CEP131: variants seen among roughly 807,000 people sequenced by gnomAD.
CEP131 encodes the protein centrosomal protein 131.
Under a neutral mutation model 136.8 loss-of-function variants are expected in CEP131, and 99 were observed. The ratio of observed to expected loss-of-function variants is 0.72; its 90% CI spans 0.62 to 0.86. The LOEUF (loss-of-function observed/expected upper bound fraction) is 0.86. CEP131 is among the 40% of genes least tolerant of loss of function. The probability of loss-of-function intolerance (pLI) is 0.00; values close to 1 mark genes in which losing one functional copy is unlikely to be tolerated. For missense variants in CEP131, 1,459 were observed against 1,463.0 expected (o/e 1.00, Z 0.04); for synonymous variants, 646 against 612.7 (o/e 1.05, Z -0.80).
At chr17:81,207,765 G>A (rs1339224709) in intron 3 of CEP131, among the ~76,000 whole-genome samples, 1 of 151,646 alleles carries the variant, frequency 6.6e-6, no homozygotes, top group African/African-American at 2.4e-5. Flanking sequence ...TGGAAGGCAT[G>A]GGCTGGTGGC....
In CEP131 at chr17:81,192,486, C is replaced by G. The variant is rs188391875; in HGVS notation, c.2537G>C (p.Arg846Pro). ...EFEKGREEQE[R>P]RHQMELNTLK... Reference sequence around the variant, plus strand: ...CCTCCGGTGGTAGACCTGGTGCCGGCGCTCCTGCTCCTCCCTGCCCTTCTC... The same window carrying G: ...CCTCCGGTGGTAGACCTGGTGCCGGGGCTCCTGCTCCTCCCTGCCCTTCTC... Residue 846 changes from arginine (R) to proline (P), a missense_variant, in exon 20 of 26, where the codon CGC becomes CCC. By Grantham distance (103) the Arg-to-Pro change is moderately radical. This residue lies in a region of CEP131 where 1,026 missense variants were observed against 964.2 expected (regional missense o/e 1.06). Coordinates refer to ENST00000450824, the MANE Select transcript of CEP131 (RefSeq NM_014984.4). 5.6e-6 allele frequency: 9 copies of G among 1,611,610 alleles called. No individual in the cohort carries two copies. Among genetic ancestry groups the G allele is most frequent in the East Asian group, 2.2e-5 (1 of 44,870 alleles).
chr17:81,205,362 G>GGTAGGAGGGGCGGCAAGAGTGTGA (rs1487469040), intron 5 of CEP131, among the ~76,000 whole-genome samples: 1 of 145,268 alleles, frequency 6.9e-6, no homozygotes, highest in East Asian at 2.0e-4. Context: ...CAAGAGTGTG[G>GGTAGGAGGGGCGGCAAGAGTGTGA]GTAGGAGGGG....
Position 81,215,280 on chromosome 17 carries a change from G to A in CEP131, c.177+4600C>T, listed in dbSNP as rs1318812875. Among the ~76,000 whole-genome samples the A allele has an allele frequency of 6.6e-6, 1 of 151,322 alleles. No homozygotes were observed. Among genetic ancestry groups the A allele is most frequent in the Non-Finnish European group, 1.5e-5 (1 of 67,882 alleles). On this transcript the variant is annotated intron_variant, in intron 2 of 25. Transcript: ENST00000450824. This position sits in a 1 kb window ranked among gnomAD's most constrained non-coding sequence, Gnocchi z 4.1. ...CGGCTAATTTTTTAATTTTTTTGTA[G>A]AGACAGGGGTCTCACTATGTTGCCC...
rs2061910872 is a variant in CEP131 at position 81,202,319 on chromosome 17, T to A, written c.709A>T (p.Thr237Ser). Residue 237 changes from threonine (T) to serine (S), a missense_variant, in exon 7 of 26, where the codon ACC becomes TCC. Thr to Ser is a moderately conservative substitution (Grantham distance 58). This residue lies in a region of CEP131 where 246 missense variants were observed against 318.9 expected (regional missense o/e 0.77). Transcript: ENST00000450824. ...CCAGTATTGTTCCGGGCTGAGTGGGTGGCACTGGAGACATTCTTCGGCAGC... is the reference window on the plus strand; with the variant it reads ...CCAGTATTGTTCCGGGCTGAGTGGGAGGCACTGGAGACATTCTTCGGCAGC... ...GKLPKNVSSA[T>S]HSARNNTGGS... The A allele has an allele frequency of 6.2e-7, 1 of 1,613,634 alleles. No homozygotes were observed. The highest frequency in any genetic ancestry group is 8.5e-7 in the Non-Finnish European group (1 of 1,179,900).
chr17:81,202,435 C>G, intron 6 of CEP131, 37 bp from the exon 7 acceptor site: 1 of 1,599,682 alleles, frequency 6.3e-7, no homozygotes, highest in East Asian at 2.2e-5. Context: ...GTCTCACCGC[C>G]CAGGGGAACA....
Position 81,200,323 on chromosome 17 carries a change from A to G in CEP131, c.906+6T>C, listed in dbSNP as rs1311146619. On this transcript the variant is annotated splice_donor_region_variant and intron_variant, in intron 8 of 25. Coordinates refer to ENST00000450824, the MANE Select transcript of CEP131 (RefSeq NM_014984.4). ...AGCATGGAGTGACTGAGACGCCCAC[A>G]CTGACCTCCCGCTTGGCCTGAAGCA... 1.9e-6 allele frequency: 3 copies of G among 1,600,630 alleles called. No homozygotes were observed. The highest frequency in any genetic ancestry group is 1.7e-5 in the Admixed American group (1 of 58,622).
chr17:81,206,864 T>C lies in CEP131; in HGVS notation c.395A>G (p.Gln132Arg). The change falls in exon 5 of 26, where the codon CAG becomes CGG. Residue 132 changes from glutamine to arginine, a missense_variant. By Grantham distance (43) the Gln-to-Arg change is conservative. Coordinates refer to ENST00000450824, the MANE Select transcript of CEP131 (RefSeq NM_014984.4). Reference sequence around the variant, plus strand: ...GGATGGCAAGGTGAAGCCCCGGGGCTGGTCATCCTGTCAGACAGCTCAGCC... The same window carrying C: ...GGATGGCAAGGTGAAGCCCCGGGGCCGGTCATCCTGTCAGACAGCTCAGCC... ...KGATWNVLDDQPRGFTLPSNA... is the reference protein window; with the variant it reads ...KGATWNVLDDRPRGFTLPSNA... 1 of 1,613,432 alleles carries C rather than the reference T, an allele frequency of 6.2e-7. No individual in the cohort carries two copies. The highest frequency in any genetic ancestry group is 1.1e-5 in the South Asian group (1 of 91,072).
At chr17:81,198,395 G>T in intron 11 of CEP131, 98 bp from the exon 12 acceptor site, 1 of 1,255,100 alleles carries the variant, frequency 8.0e-7, no homozygotes, top group Non-Finnish European at 1.1e-6. Flanking sequence ...GGCGCCGCGG[G>T]AGCTCCCCAG....
At position 81,192,407 on chromosome 17, in the gene CEP131, T is replaced by A; in HGVS notation, c.2548-15A>T. The A allele has an allele frequency of 6.2e-7, 1 of 1,610,910 alleles. No homozygotes were observed. The highest frequency in any genetic ancestry group is 8.5e-7 in the Non-Finnish European group (1 of 1,179,492). ...TTCAGCTCCATCTGGGGGGCGGACA[T>A]AAGAGGCCAGTCAGTCCCACCCCGT... is the stretch of plus-strand genomic sequence containing the variant. On this transcript the variant is annotated splice_polypyrimidine_tract_variant and intron_variant, in intron 20 of 25. Transcript: ENST00000450824.
At chr17:81,218,266 C>T (rs1389739916) in intron 2 of CEP131, among the ~76,000 whole-genome samples, 1 of 152,200 alleles carries the variant, frequency 6.6e-6, no homozygotes, top group African/African-American at 2.4e-5. Flanking sequence ...TGGTATTGAA[C>T]TCCTGACCTC....
intron 18 of CEP131, 121 bp from the exon 19 acceptor site, chr17:81,192,964 C>T (rs2061676490): frequency 7.0e-7 from 1 of 1,431,150 alleles, no homozygotes; most frequent in East Asian, 2.5e-5. Flanking sequence ...CCTCCGGGGC[C>T]CTGCCCCTCC....
chr17:81,206,163 G>A (rs903138295), intron 5 of CEP131, among the ~76,000 whole-genome samples: 49 of 151,834 alleles, frequency 3.2e-4, no homozygotes, highest in Admixed American at 2.7e-3. Context: ...GCAGTGAGCC[G>A]AGATCATGCC....
chr17:81,221,406 G>C (rs73356068), intron 1 of CEP131, among the ~76,000 whole-genome samples: 1 of 152,044 alleles, frequency 6.6e-6, no homozygotes, highest in Non-Finnish European at 1.5e-5. Context: ...GTCTCAGCTC[G>C]TGCATGTGCC....
chr17:81,204,736 C>T (rs541053148), intron 5 of CEP131, among the ~76,000 whole-genome samples: 2 of 146,866 alleles, frequency 1.4e-5, no homozygotes, highest in Non-Finnish European at 3.0e-5. Context: ...GCACCTGCAC[C>T]GGACCACACC....
chr17:81,208,765 C>T lies in CEP131; in HGVS notation c.272+163G>A, dbSNP rs1269983040. Among the ~76,000 whole-genome samples the T allele has an allele frequency of 6.6e-6, 1 of 152,086 alleles. No homozygotes were observed. Among genetic ancestry groups the T allele is most frequent in the Non-Finnish European group, 1.5e-5 (1 of 68,010 alleles). Reference sequence around the variant, plus strand: ...CCAATGCGAGAGGAGGCCTGGGACACAAAGCTGGCCCGTGAGGTCACTCCA... The same window carrying T: ...CCAATGCGAGAGGAGGCCTGGGACATAAAGCTGGCCCGTGAGGTCACTCCA... On this transcript the variant is annotated intron_variant, in intron 3 of 25. Transcript: ENST00000450824. This position sits in a 1 kb window ranked among gnomAD's most constrained non-coding sequence, Gnocchi z 5.6.
chr17:81,219,938 T>G lies in CEP131; in HGVS notation c.119A>C (p.Lys40Thr). 6.2e-7 allele frequency: 1 copy of G among 1,612,210 alleles called. No individual in the cohort carries two copies. The highest frequency in any genetic ancestry group is 8.5e-7 in the Non-Finnish European group (1 of 1,179,232). The change falls in exon 2 of 26, where the codon AAG becomes ACG. Residue 40 changes from lysine to threonine, a missense_variant. Transcript: ENST00000450824. The surrounding 1 kb of genome is among the most constrained non-coding windows in gnomAD (Gnocchi z 4.0). The stretch of plus-strand genomic sequence containing the variant: ...CACGGAGACAGAGCGGACGATGGGC[T>G]TGGTGGTGGCGGCACTGCCAGGACG... The part of the protein sequence containing the change: ...SRRPGSAATT[K>T]PIVRSVSVVT...
In CEP131 at chr17:81,193,944, C is replaced by A. The variant is rs138784674; in HGVS notation, c.2303G>T (p.Arg768Leu). Reference protein sequence around the residue: ...REKEALGQQERERARQRFQQH... With the variant: ...REKEALGQQELERARQRFQQH... ...CACCCACCGCTGCCGAGCACGTTCG[C>A]GCTCCTGCTGGCCCAGCGCCTCCTT... Residue 768 changes from arginine (R) to leucine (L), a missense_variant, in exon 18 of 26, where the codon CGC (arginine) becomes CTC (leucine). Arg to Leu is a moderately radical substitution (Grantham distance 102). Coordinates refer to ENST00000450824, the MANE Select transcript of CEP131 (RefSeq NM_014984.4). 6 of 1,538,950 alleles carry A rather than the reference C, an allele frequency of 3.9e-6. No homozygotes were observed. Among genetic ancestry groups the A allele is most frequent in the South Asian group, 1.2e-5 (1 of 83,716 alleles).
chr17:81,201,404 C>T (rs973615343), intron 7 of CEP131, among the ~76,000 whole-genome samples: 3 of 152,260 alleles, frequency 2.0e-5, no homozygotes, highest in East Asian at 1.9e-4. Context: ...CAGGAGGCTC[C>T]GCCCACAGCC....
At chr17:81,197,636 T>A in intron 13 of CEP131, 76 bp downstream of exon 13, 1 of 1,503,374 alleles carries the variant, frequency 6.7e-7, no homozygotes, top group South Asian at 1.3e-5. Flanking sequence ...AGGGGCCTCC[T>A]CCCCCGAGGG....
Sources: gnomAD v4.1 joint callset for allele counts (sites outside exome capture counted in the v4.1 genomes callset) on GRCh38, gnomAD v4.1.1 for gene constraint, gnomAD v4.1.1 regional missense constraint, Gnocchi (gnomAD v3.1) non-coding constraint, MANE v1.5 for transcripts, NCBI Gene and HGNC (gene_info 2026-07-23, HGNC 2026-07-21) for gene names.